Variants in OPHN1 observed in about 807,000 individuals in gnomAD.
The protein encoded by OPHN1 is oligophrenin 1, also known as oligophrenin-1.
OPHN1 carries 11 observed loss-of-function variants against 60.7 expected under a neutral mutation model. The ratio of observed to expected loss-of-function variants is 0.18; its 90% CI spans 0.11 to 0.30. The LOEUF (loss-of-function observed/expected upper bound fraction) is 0.30. OPHN1 is among the 10% of genes least tolerant of loss of function. The pLI, the probability that OPHN1 is intolerant of heterozygous loss-of-function variation, is 1.00. For synonymous variants in OPHN1, 226 were observed against 222.6 expected (o/e 1.02, Z -0.14); for missense variants, 449 against 611.0 (o/e 0.73, Z 2.80).
At chrX:68,213,723 G>GT in intron 7 of OPHN1, 139 bp downstream of exon 7, 1 of 469,886 alleles carries the variant, frequency 2.1e-6, no homozygotes, top group Admixed American at 3.6e-5. Flanking sequence ...CAAGAAAAAC[G>GT]TAAGTTAGAC....
chrX:68,169,368 T>C (rs763086586), intron 15 of OPHN1, among the ~76,000 whole-genome samples: 1 of 111,275 alleles, frequency 9.0e-6, no homozygotes, highest in African/African-American at 3.3e-5. Context: ...AGGTAATTTA[T>C]AGATTTAATG....
In OPHN1 at chrX:68,274,733, T is replaced by C; in HGVS notation, c.384+5A>G. 6.8e-6 allele frequency: 8 copies of C among 1,178,475 alleles called. No individual in the cohort carries two copies. The highest frequency in any genetic ancestry group is 1.8e-5 in the African/African-American group (1 of 57,128). ...AAAAATCTTATGCATATACAGAAAA[T>C]GTACCTTGGTGAAGCCTATTTGTTC... On this transcript the variant is annotated splice_donor_5th_base_variant and intron_variant, in intron 5 of 24. Coordinates refer to ENST00000355520, the MANE Select transcript of OPHN1 (RefSeq NM_002547.3).
intron 15 of OPHN1, among the ~76,000 whole-genome samples, chrX:68,175,575 C>A (rs749088154): frequency 2.2e-4 from 25 of 111,529 alleles, no homozygotes; most frequent in African/African-American, 7.8e-4. Context: ...TTTAGAAATA[C>A]CACACCTCCC....
chrX:68,393,586 T>C (rs2078664655), intron 2 of OPHN1, among the ~76,000 whole-genome samples: 1 of 112,236 alleles, frequency 8.9e-6, no homozygotes, highest in Non-Finnish European at 1.9e-5. Context: ...CATATACAAA[T>C]TGGAGTTTCA....
intron 10 of OPHN1, among the ~76,000 whole-genome samples, chrX:68,205,077 G>A (rs2077551906): frequency 8.9e-6 from 1 of 111,796 alleles, no homozygotes; most frequent in African/African-American, 3.3e-5. Flanking sequence ...TGAATTTATT[G>A]GAACCACACT....
intron 15 of OPHN1, 120 bp from the exon 16 acceptor site, chrX:68,119,452 T>C (rs1047216876): frequency 5.9e-6 from 3 of 507,430 alleles, no homozygotes; most frequent in African/African-American, 4.8e-5. Context: ...ATCAAAACTT[T>C]AGAAGAAGCA....
intron 2 of OPHN1, among the ~76,000 whole-genome samples, chrX:68,324,592 C>T (rs1187607406): frequency 8.2e-5 from 8 of 97,107 alleles, no homozygotes; most frequent in Admixed American, 8.0e-4. Context: ...CCAACCTGGG[C>T]GACACAGTGA....
intron 2 of OPHN1, among the ~76,000 whole-genome samples, chrX:68,371,080 T>C (rs1411553188): frequency 1.8e-5 from 2 of 111,465 alleles, no homozygotes; most frequent in Admixed American, 1.9e-4. Flanking sequence ...AGACCCACAA[T>C]ATGGATTAAA....
At chrX:68,068,929 G>C (rs1463307999) in intron 20 of OPHN1, among the ~76,000 whole-genome samples, 1 of 112,005 alleles carries the variant, frequency 8.9e-6, no homozygotes, top group Admixed American at 9.5e-5. Context: ...GAGGTTGGGG[G>C]AGAAGTAAAT....
rs957013226 is a variant in OPHN1 at position 68,046,962 on chromosome X, A to G, written c.*210T>C. 3 of 111,654 alleles carry G rather than the reference A, an allele frequency of 2.7e-5. No individual in the cohort carries two copies. The Admixed American group carries it at 2.9e-4, about 11-fold the overall frequency. The allele number at this position is 111,654 out of a possible 1,213,427, so 9.2% of individuals were successfully genotyped here. A position where few individuals can be genotyped will look rare whatever the true frequency, so the allele number is the denominator to read the frequency against. On this transcript the variant is annotated 3_prime_UTR_variant, in exon 25 of 25. Transcript: ENST00000355520. ...AACTCAAAACAGACCTTCTGAGGGG[A>G]TGAAGACAGAATACAAAGGAGATAT...
chrX:68,201,175 G>A (rs1041355636), intron 11 of OPHN1, among the ~76,000 whole-genome samples: 12 of 111,505 alleles, frequency 1.1e-4, no homozygotes, highest in Non-Finnish European at 2.3e-4. Context: ...CAAATGGGGG[G>A]AAATGACTTT....
At chrX:68,416,489 A>G (rs1569308044) in intron 2 of OPHN1, among the ~76,000 whole-genome samples, 2 of 111,537 alleles carry the variant, frequency 1.8e-5, no homozygotes, top group Non-Finnish European at 3.8e-5. Context: ...CTAGTGAACC[A>G]GTGTGTTTCT....
chrX:68,409,184 A>T (rs1037557251), intron 2 of OPHN1, among the ~76,000 whole-genome samples: 6 of 111,607 alleles, frequency 5.4e-5, no homozygotes. Flanking sequence ...TCTTGATCCC[A>T]TTTCACATAT....
intron 15 of OPHN1, among the ~76,000 whole-genome samples, chrX:68,191,785 T>C (rs1486002919): frequency 2.7e-5 from 3 of 111,733 alleles, no homozygotes; most frequent in Non-Finnish European, 5.6e-5. Flanking sequence ...CAGCTATAAC[T>C]AGCAAGGCAC....
At chrX:68,205,825 T>A (rs2077555819) in intron 10 of OPHN1, among the ~76,000 whole-genome samples, 2 of 111,852 alleles carry the variant, frequency 1.8e-5, no homozygotes, top group South Asian at 7.5e-4. Context: ...AGAGTGCAAA[T>A]GCTTAAAAAT....
chrX:68,322,253 T>C, intron 2 of OPHN1, among the ~76,000 whole-genome samples: 1 of 111,663 alleles, frequency 9.0e-6, no homozygotes, highest in Non-Finnish European at 1.9e-5. Context: ...ATTACAGACA[T>C]GGGTCACTGT....
At chrX:68,111,773 G>C in intron 18 of OPHN1, 81 bp downstream of exon 18, 2 of 659,987 alleles carry the variant, frequency 3.0e-6, no homozygotes, top group Non-Finnish European at 5.0e-6. Flanking sequence ...TGAAAGAGCT[G>C]AGAGGCAGTT....
chrX:68,121,535 C>T (rs1169900272), intron 15 of OPHN1, among the ~76,000 whole-genome samples: 1 of 111,008 alleles, frequency 9.0e-6, no homozygotes, highest in African/African-American at 3.3e-5. Flanking sequence ...ATCACACATC[C>T]TAGTTCTAAG....
intron 11 of OPHN1, among the ~76,000 whole-genome samples, chrX:68,200,290 G>A (rs751920294): frequency 2.7e-5 from 3 of 111,342 alleles, no homozygotes; most frequent in South Asian, 3.8e-4. Flanking sequence ...TTCTAGTGTC[G>A]AAAATTCTTC....
Sources: allele counts gnomAD v4.1 joint callset (sites outside exome capture counted in the v4.1 genomes callset), GRCh38; gene constraint gnomAD v4.1.1; transcripts MANE v1.5; gene names NCBI Gene and HGNC (gene_info 2026-07-23, HGNC 2026-07-21).